Variants in GNA14 observed in about 807,000 individuals in gnomAD.
GNA14 encodes the protein guanine nucleotide-binding protein subunit alpha-14.
Under a neutral mutation model 42.0 loss-of-function variants are expected in GNA14, and 50 were observed. The ratio of observed to expected loss-of-function variants is 1.19; its 90% CI spans 0.95 to 1.51. GNA14 has a LOEUF of 1.51. Among genes scored for constraint, GNA14 ranks in the 40% most tolerant of loss-of-function variants. GNA14 has a pLI of 0.00. For missense variants in GNA14, 473 were observed against 446.2 expected, an observed-to-expected ratio of 1.06 and a Z score of -0.54; for synonymous variants, 173 against 163.1, an observed-to-expected ratio of 1.06 and a Z score of -0.46.
intron 2 of GNA14, among the ~76,000 whole-genome samples, chr9:77,493,003 G>GAAAA (rs56355394): frequency 2.5e-5 from 1 of 39,858 alleles, no homozygotes; most frequent in Non-Finnish European, 3.9e-5. Flanking sequence ...TCCGTCTCAG[G>GAAAA]AAAAAAAAAA....
intron 1 of GNA14, among the ~76,000 whole-genome samples, chr9:77,606,103 G>A (rs13289245): frequency 0.035 from 5,331 of 152,216 alleles, 104 homozygotes; most frequent in East Asian, 0.068. Context: ...AAATGAAACA[G>A]AAACATTTTA....
intron 1 of GNA14, among the ~76,000 whole-genome samples, chr9:77,632,485 G>T (rs1231210900): frequency 6.6e-6 from 1 of 152,164 alleles, no homozygotes; most frequent in African/African-American, 2.4e-5. Flanking sequence ...GGGGCTAAAA[G>T]AGCTGTAACA....
chr9:77,647,541 G>T, intron 1 of GNA14, 129 bp downstream of exon 1: 1 of 1,055,462 alleles, frequency 9.5e-7, no homozygotes, highest in Non-Finnish European at 1.3e-6. Flanking sequence ...CGTGAGCTCC[G>T]AGGGGGAGAA....
chr9:77,559,742 T>C (rs1396335554), intron 1 of GNA14, among the ~76,000 whole-genome samples: 2 of 152,226 alleles, frequency 1.3e-5, no homozygotes, highest in African/African-American at 2.4e-5. Flanking sequence ...ACCTGATATA[T>C]GTGCATTCCC....
chr9:77,617,354 C>T (rs28407466), intron 1 of GNA14, among the ~76,000 whole-genome samples: 29,587 of 152,012 alleles, frequency 0.19, 5,383 homozygotes, highest in African/African-American at 0.49. Context: ...ACCCAGTTGC[C>T]TGAGCCAAAA....
At chr9:77,631,442 T>C (rs1266914076) in intron 1 of GNA14, among the ~76,000 whole-genome samples, 1 of 145,938 alleles carries the variant, frequency 6.9e-6, no homozygotes, top group Non-Finnish European at 1.5e-5. Context: ...TAGCAGTCTC[T>C]GCCACAAATA....
At chr9:77,640,869 C>T (rs1429406337) in intron 1 of GNA14, among the ~76,000 whole-genome samples, 1 of 62,024 alleles carries the variant, frequency 1.6e-5, no homozygotes, top group Non-Finnish European at 2.7e-5. Context: ...CAATAAAATG[C>T]TCAAAAAAAA....
chr9:77,572,983 C>T (rs767235868), intron 1 of GNA14, among the ~76,000 whole-genome samples: 6 of 152,076 alleles, frequency 3.9e-5, no homozygotes, highest in South Asian at 4.2e-4. Flanking sequence ...AATATACTGT[C>T]GACGCTAAAT....
Position 77,647,776 on chromosome 9 carries a change from G to T in GNA14, c.18C>A (p.Cys6Ter). Residue 6 changes from cysteine (C) to a stop codon, truncating the protein, a stop_gained, in exon 1 of 7, where the codon TGC (cysteine) becomes TGA (stop). Coordinates refer to ENST00000341700, the MANE Select transcript of GNA14 (RefSeq NM_004297.4). LOFTEE classifies it high-confidence loss of function. ...GCGACTCCTTCTCCTCCGCGGACAG[G>T]CAGCAGCAGCCGGCCATGGTGCGCT... MAGCC[C>*]LSAEEKESQR... 6.2e-7 allele frequency: 1 copy of T among 1,609,470 alleles called. No individual in the cohort carries two copies. The highest frequency in any genetic ancestry group is 1.1e-5 in the South Asian group (1 of 90,418).
intron 1 of GNA14, among the ~76,000 whole-genome samples, chr9:77,561,633 G>T (rs1371928741): frequency 6.6e-6 from 1 of 152,182 alleles, no homozygotes; most frequent in African/African-American, 2.4e-5. Context: ...GAGGGGAATG[G>T]AGAGTTCTTA....
Position 77,540,901 on chromosome 9 carries a change from A to T in GNA14, c.125-11648T>A, listed in dbSNP as rs560393941. Among the ~76,000 whole-genome samples the T allele has an allele frequency of 4.6e-5, 7 of 152,202 alleles. No individual in the cohort carries two copies. The South Asian group carries it at 1.5e-3, about 32-fold the overall frequency. ...GCATATAGTTAGATCATGTTCCTTT[A>T]TTCATTCATCCAATCTACATCTTTT... On this transcript the variant is annotated intron_variant, in intron 1 of 6. Coordinates refer to ENST00000341700, the MANE Select transcript of GNA14 (RefSeq NM_004297.4).
chr9:77,479,186 A>C (rs936973484), intron 2 of GNA14, among the ~76,000 whole-genome samples: 3 of 152,140 alleles, frequency 2.0e-5, no homozygotes, highest in African/African-American at 4.8e-5. Context: ...ATCCATGTTG[A>C]ATTAATTTTT....
intron 1 of GNA14, among the ~76,000 whole-genome samples, chr9:77,619,820 A>C (rs897718501): frequency 5.3e-5 from 8 of 152,164 alleles, no homozygotes; most frequent in Non-Finnish European, 1.2e-4. Context: ...AGCTAGTGAC[A>C]AATGTGTCAG....
chr9:77,552,163 A>G (rs1317177905), intron 1 of GNA14, among the ~76,000 whole-genome samples: 1 of 151,846 alleles, frequency 6.6e-6, no homozygotes, highest in Non-Finnish European at 1.5e-5. Context: ...GAAAGAAAGA[A>G]ATTCAACACA....
intron 3 of GNA14, among the ~76,000 whole-genome samples, chr9:77,433,174 G>A (rs900554232): frequency 6.6e-6 from 1 of 152,172 alleles, no homozygotes; most frequent in African/African-American, 2.4e-5. Context: ...CCTGCTCAGA[G>A]GGTGACAGTG....
At chr9:77,628,230 G>A (rs755508228) in intron 1 of GNA14, among the ~76,000 whole-genome samples, 1 of 152,210 alleles carries the variant, frequency 6.6e-6, no homozygotes, top group Middle Eastern at 3.4e-3. Flanking sequence ...CACTGCTCAA[G>A]GAAATAAGAG....
intron 1 of GNA14, among the ~76,000 whole-genome samples, chr9:77,600,441 G>A (rs1427537744): frequency 6.6e-6 from 1 of 152,206 alleles, no homozygotes. Flanking sequence ...AGGTATGAAT[G>A]AGTATTCTCC....
At chr9:77,541,865 T>G (rs532148171) in intron 1 of GNA14, among the ~76,000 whole-genome samples, 1 of 152,146 alleles carries the variant, frequency 6.6e-6, no homozygotes, top group Non-Finnish European at 1.5e-5. Context: ...TTTAATAAAC[T>G]CTCTAATTCC....
At chr9:77,507,000 G>C (rs1035337772) in intron 2 of GNA14, among the ~76,000 whole-genome samples, 80 of 152,234 alleles carry the variant, frequency 5.3e-4, no homozygotes, top group African/African-American at 1.9e-3. Flanking sequence ...ATCTTATTTG[G>C]AAGTGTACAG....
Sources: allele counts gnomAD v4.1 joint callset (sites outside exome capture counted in the v4.1 genomes callset), GRCh38; gene constraint gnomAD v4.1.1; transcripts MANE v1.5; gene names NCBI Gene and HGNC (gene_info 2026-07-23, HGNC 2026-07-21).